Variants in SQOR observed in about 807,000 individuals in gnomAD.
The protein encoded by SQOR is sulfide quinone oxidoreductase.
In SQOR, 39 loss-of-function variants were observed where a neutral mutation model predicts 48.6. That is an observed-to-expected ratio of 0.80 (90% CI 0.62 to 1.05). The LOEUF (loss-of-function observed/expected upper bound fraction) is 1.05. Ranked by LOEUF, SQOR falls within the 50% of genes least tolerant of loss-of-function variation. The probability of loss-of-function intolerance (pLI) is 0.00; values close to 1 mark genes in which losing one functional copy is unlikely to be tolerated. For missense variants in SQOR, 561 were observed against 559.9 expected (o/e 1.00, Z -0.02); for synonymous variants, 220 against 206.2 (o/e 1.07, Z -0.57).
At chr15:45,647,483 C>T (rs1370662225) in intron 1 of SQOR, among the ~76,000 whole-genome samples, 3 of 151,658 alleles carry the variant, frequency 2.0e-5, no homozygotes, top group East Asian at 2.0e-4. Context: ...CACACCACCA[C>T]GCTTGGCTAA....
intron 1 of SQOR, among the ~76,000 whole-genome samples, chr15:45,648,183 G>GTTTTTTTT (rs917863011): frequency 6.9e-6 from 1 of 145,804 alleles, no homozygotes; most frequent in Non-Finnish European, 1.5e-5. Flanking sequence ...TTGTTTTTTT[G>GTTTTTTTT]TTTTTTTTTT....
intron 1 of SQOR, among the ~76,000 whole-genome samples, chr15:45,648,458 G>C (rs1460902604): frequency 6.6e-6 from 1 of 152,232 alleles, no homozygotes; most frequent in South Asian, 2.1e-4. Flanking sequence ...TTACAGGCGT[G>C]AGCCACCACA....
chr15:45,632,759 G>A (rs1431394705), upstream of SQOR, among the ~76,000 whole-genome samples: 1 of 151,952 alleles, frequency 6.6e-6, no homozygotes, highest in African/African-American at 2.4e-5. Flanking sequence ...TTTAGAGAGT[G>A]GGAACCAAGG....
At chr15:45,645,749 T>C (rs1012853069) in intron 1 of SQOR, 1 of 152,262 alleles carries the variant, frequency 6.6e-6, no homozygotes, top group African/African-American at 2.4e-5. Context: ...TTAGCTTCTA[T>C]AATCTTGTGA....
At chr15:45,656,664 A>G (rs1889617270) in intron 1 of SQOR, among the ~76,000 whole-genome samples, 1 of 152,186 alleles carries the variant, frequency 6.6e-6, no homozygotes, top group South Asian at 2.1e-4. Flanking sequence ...ATCACTCATT[A>G]TTCTAAAACC....
chr15:45,635,340 G>A (rs1322124869), intron 1 of SQOR, among the ~76,000 whole-genome samples: 1 of 152,206 alleles, frequency 6.6e-6, no homozygotes, highest in Non-Finnish European at 1.5e-5. Context: ...TTCTCAGAGT[G>A]TCAGAGCCTC....
At chr15:45,653,983 A>G (rs781253862) in intron 1 of SQOR, among the ~76,000 whole-genome samples, 4 of 152,034 alleles carry the variant, frequency 2.6e-5, no homozygotes, top group Non-Finnish European at 4.4e-5. Flanking sequence ...TTAGCCAGGC[A>G]TGGTGGTTTG....
At chr15:45,642,365 C>CT (rs1217832457) in intron 1 of SQOR, among the ~76,000 whole-genome samples, 2 of 152,142 alleles carry the variant, frequency 1.3e-5, no homozygotes, top group African/African-American at 4.8e-5. Flanking sequence ...AGAATGTGGG[C>CT]TTAGTGTTAG....
At chr15:45,665,987 G>C (rs1889809578) in intron 3 of SQOR, among the ~76,000 whole-genome samples, 2 of 152,182 alleles carry the variant, frequency 1.3e-5, no homozygotes, top group Non-Finnish European at 2.9e-5. Context: ...TCCCTGATCC[G>C]GGGGTGTGTT....
At chr15:45,660,252 A>G (rs1889695514) in intron 2 of SQOR, among the ~76,000 whole-genome samples, 1 of 152,180 alleles carries the variant, frequency 6.6e-6, no homozygotes, top group Non-Finnish European at 1.5e-5. Context: ...CAAGGAAGAC[A>G]TACTCCTTTT....
intron 3 of SQOR, among the ~76,000 whole-genome samples, chr15:45,663,841 C>A (rs958221258): frequency 2.0e-5 from 3 of 152,114 alleles, no homozygotes; most frequent in Non-Finnish European, 4.4e-5. Flanking sequence ...GGCTTTCTGG[C>A]CTCCATTCAT....
intron 1 of SQOR, among the ~76,000 whole-genome samples, chr15:45,651,032 G>A (rs530030746): frequency 7.6e-4 from 115 of 152,260 alleles, no homozygotes; most frequent in African/African-American, 2.4e-3. Flanking sequence ...GCCCTTGGGC[G>A]GTCAATGGGA....
chr15:45,651,511 G>A (rs942608361), intron 1 of SQOR, among the ~76,000 whole-genome samples: 17 of 152,372 alleles, frequency 1.1e-4, no homozygotes, highest in African/African-American at 3.8e-4. Flanking sequence ...TGCCAAGTCC[G>A]AGGAGGTGCT....
At chr15:45,633,058 G>C (rs1315869539), upstream of SQOR, among the ~76,000 whole-genome samples, 5 of 151,868 alleles carry the variant, frequency 3.3e-5, no homozygotes, top group African/African-American at 1.2e-4. Context: ...CAGAGGTCAA[G>C]GCTGCAGGAA....
At chr15:45,674,045 ACT>A (rs1889991501) in intron 5 of SQOR, 3 of 513,352 alleles carry the variant, frequency 5.8e-6, no homozygotes, top group Non-Finnish European at 1.0e-5. Context: ...TTTTCTGTAT[ACT>A]TAAATATGGT....
chr15:45,656,727 A>G (rs1889617939), intron 1 of SQOR, among the ~76,000 whole-genome samples: 1 of 152,028 alleles, frequency 6.6e-6, no homozygotes, highest in Non-Finnish European at 1.5e-5. Flanking sequence ...TTTCTAATAT[A>G]TTTCCTCTTA....
rs942162575 is a variant in SQOR, at chr15:45,664,287, A to G, written c.405+2162A>G. Among the ~76,000 whole-genome samples the G allele has an allele frequency of 7.9e-5, 12 of 152,274 alleles. No individual in the cohort carries two copies. The South Asian group carries it at 2.3e-3, about 29-fold the overall frequency. On this transcript the variant is annotated intron_variant, in intron 3 of 9. Transcript: ENST00000260324. Reference sequence around the variant, plus strand: ...CACCCAGGATGTTATTGTTTTTAATACACTTAATACCTTTCTTAATACTTT... The same window carrying G: ...CACCCAGGATGTTATTGTTTTTAATGCACTTAATACCTTTCTTAATACTTT...
At chr15:45,688,988 A>T in intron 8 of SQOR, 51 bp from the exon 9 acceptor site, 2 of 1,499,100 alleles carry the variant, frequency 1.3e-6, no homozygotes, top group Non-Finnish European at 1.8e-6. Context: ...GTGTTAATAT[A>T]GTACCATGAA....
Position 45,673,597 on chromosome 15 carries a change from T to G in SQOR, c.460-10T>G. ...TTTGTTTAAAATAATTTTTGTGTACTTTGTTGCAGATTAAAGGCCTACCTG... is the reference window on the plus strand; with the variant it reads ...TTTGTTTAAAATAATTTTTGTGTACGTTGTTGCAGATTAAAGGCCTACCTG... On this transcript the variant is annotated splice_polypyrimidine_tract_variant and intron_variant, in intron 4 of 9. Transcript: ENST00000260324. The G allele has an allele frequency of 6.2e-7, 1 of 1,608,528 alleles. No individual in the cohort carries two copies. The highest frequency in any genetic ancestry group is 1.1e-5 in the South Asian group (1 of 90,426).
Sources: gnomAD v4.1 joint callset for allele counts (sites outside exome capture counted in the v4.1 genomes callset) on GRCh38, gnomAD v4.1.1 for gene constraint, MANE v1.5 for transcripts, NCBI Gene and HGNC (gene_info 2026-07-23, HGNC 2026-07-21) for gene names.